The following DNAH17 variants were observed in gnomAD, a reference collection of about 807,000 sequenced individuals.
DNAH17 encodes dynein axonemal heavy chain 17, also known as axonemal beta dynein heavy chain 17.
DNAH17 carries 376 observed loss-of-function variants against 485.6 expected under a neutral mutation model. That is an observed-to-expected ratio of 0.77 (90% CI 0.71 to 0.84). DNAH17 has a LOEUF of 0.84. DNAH17 is among the 40% of genes least tolerant of loss of function. The pLI, the probability that DNAH17 is intolerant of heterozygous loss-of-function variation, is 0.00. For synonymous variants in DNAH17, 3,031 were observed against 2,405.9 expected, an observed-to-expected ratio of 1.26 and a Z score of -7.60; for missense variants, 6,370 against 5,839.3, an observed-to-expected ratio of 1.09 and a Z score of -2.96.
chr17:78,564,374 G>A (rs1421121265), intron 11 of DNAH17, among the ~76,000 whole-genome samples: 1 of 152,068 alleles, frequency 6.6e-6, no homozygotes. Context: ...TAATTTTTCA[G>A]ATTTTTCCAC....
chr17:78,465,436 G>T (rs987987680), intron 56 of DNAH17, among the ~76,000 whole-genome samples: 4 of 147,560 alleles, frequency 2.7e-5, no homozygotes, highest in Non-Finnish European at 6.0e-5. Context: ...GCCCAGTCTG[G>T]AAAGTGAGGA....
At chr17:78,572,954 C>G in intron 2 of DNAH17, 60 bp from the exon 3 acceptor site, 1 of 1,498,536 alleles carries the variant, frequency 6.7e-7, no homozygotes, top group Non-Finnish European at 9.1e-7. Context: ...GGCAACCGCA[C>G]AGAGCCAGGT....
chr17:78,524,728 G>C (rs191644581), intron 25 of DNAH17, among the ~76,000 whole-genome samples: 49 of 152,124 alleles, frequency 3.2e-4, no homozygotes, highest in Non-Finnish European at 6.0e-4. Context: ...ATGTGAGAGA[G>C]AATGAGAGGA....
Position 78,468,681 on chromosome 17 carries a change from C to A in DNAH17, c.8714G>T (p.Gly2905Val). 6.2e-7 allele frequency: 1 copy of A among 1,614,048 alleles called. No homozygotes were observed. Among genetic ancestry groups the A allele is most frequent in the Non-Finnish European group, 8.5e-7 (1 of 1,179,898 alleles). ...SSMRPQVKSLGMNDTRETCWK... is the reference protein window; with the variant it reads ...SSMRPQVKSLVMNDTRETCWK... ...ACATGTTTCCCGAGTGTCATTCATG[C>A]CAAGGGACTTGACTTGGGGTCGCAT... is the stretch of plus-strand genomic sequence containing the variant. The change falls in exon 55 of 81, where the codon GGC (glycine) becomes GTC (valine). Residue 2905 changes from glycine (G) to valine (V), a missense_variant. Physicochemically the swap from Gly to Val is moderately radical, Grantham distance 109. Transcript: ENST00000389840.
At chr17:78,558,518 A>T (rs2092079265) in intron 13 of DNAH17, among the ~76,000 whole-genome samples, 1 of 151,130 alleles carries the variant, frequency 6.6e-6, no homozygotes, top group Admixed American at 6.6e-5. Flanking sequence ...GGTGGATGAC[A>T]TCACCCTCAT....
intron 54 of DNAH17, 107 bp from the exon 55 acceptor site, chr17:78,468,990 G>A: frequency 3.7e-6 from 5 of 1,368,944 alleles, no homozygotes; most frequent in East Asian, 2.5e-5. Context: ...TTGAGACGGA[G>A]TCTCGCTCTG....
intron 55 of DNAH17, among the ~76,000 whole-genome samples, chr17:78,467,954 G>A (rs1278694368): frequency 1.3e-5 from 2 of 150,516 alleles, no homozygotes; most frequent in East Asian, 1.9e-4. Flanking sequence ...GGAGGCAGAG[G>A]TTGCAGTGAG....
chr17:78,437,833 C>T lies in DNAH17; in HGVS notation c.11841G>A (p.Leu3947=), dbSNP rs1049720351. The T allele has an allele frequency of 9.3e-6, 15 of 1,611,420 alleles. No individual in the cohort carries two copies. The highest frequency in any genetic ancestry group is 1.3e-5 in the Non-Finnish European group (15 of 1,179,166). The change falls in exon 74 of 81, where the codon CTG becomes CTA. Residue 3947 remains leucine, a synonymous_variant. Coordinates refer to ENST00000389840, the MANE Select transcript of DNAH17 (RefSeq NM_173628.4). ...TGCTGTAGTGCTCCAGCTTCTTGTC[C>T]AGTGTTCCCAGCCACCGGGCCACCA... The part of the protein sequence containing the change: ...IHLVARWLGT[L]DKKLEHYSTG...
chr17:78,475,250 G>A, intron 54 of DNAH17, 28 bp downstream of exon 54: 1 of 1,609,176 alleles, frequency 6.2e-7, no homozygotes. Context: ...TACCCTGAAA[G>A]GCAGCCTATT....
Position 78,484,746 on chromosome 17 carries a change from C to A in DNAH17, c.7649+122G>T, listed in dbSNP as rs868415483. 4.1e-5 allele frequency: 12 copies of A among 295,232 alleles called. 1 individual carries two copies. In the East Asian group the frequency reaches 6.5e-4, roughly 16 times the overall value. The allele number at this position is 295,232 out of a possible 1,614,324, so 18.3% of individuals were successfully genotyped here. A position where few individuals can be genotyped will look rare whatever the true frequency, so the allele number is the denominator to read the frequency against. ...CCCTACCCACGTTGCAGCACCCCCC[C>A]CACCGCCCCACACCAGTCCTGCCCT... On this transcript the variant is annotated intron_variant, in intron 48 of 80. Coordinates refer to ENST00000389840, the MANE Select transcript of DNAH17 (RefSeq NM_173628.4).
Position 78,468,599 on chromosome 17 carries a change from C to A in DNAH17, c.8778+18G>T. On this transcript the variant is annotated intron_variant, in intron 55 of 80. Coordinates refer to ENST00000389840, the MANE Select transcript of DNAH17 (RefSeq NM_173628.4). ...CCAAGCTGGGCTCTTGAGGCCCTGC[C>A]GAAGACGGGAGCCCCACCTTGAGCT... is the stretch of plus-strand genomic sequence containing the variant. The A allele has an allele frequency of 6.2e-7, 1 of 1,606,024 alleles. No homozygotes were observed. Among genetic ancestry groups the A allele is most frequent in the Non-Finnish European group, 8.5e-7 (1 of 1,175,280 alleles).
At chr17:78,510,895 G>A (rs1393737732) in intron 26 of DNAH17, among the ~76,000 whole-genome samples, 1 of 152,228 alleles carries the variant, frequency 6.6e-6, no homozygotes. Flanking sequence ...GTGTCCTCGT[G>A]ACAGGAAGGA....
rs1598591216 is a variant in DNAH17, at chr17:78,498,827, T to C, written c.5745+181A>G. The stretch of plus-strand genomic sequence containing the variant: ...ACCTGTAATCTGATTCTGTTTTCAA[T>C]GTGTTTGCCTAACCAGGCTTTGGGA... On this transcript the variant is annotated intron_variant, in intron 37 of 80. Transcript: ENST00000389840. 6 of 489,630 alleles carry C rather than the reference T, an allele frequency of 1.2e-5. No individual in the cohort carries two copies. The East Asian group carries it at 2.0e-4, about 17-fold the overall frequency. 30.3% of individuals were successfully genotyped at this position (489,630 alleles called of 1,614,324 possible). A position where few individuals can be genotyped will look rare whatever the true frequency, so the allele number is the denominator to read the frequency against.
intron 71 of DNAH17, 73 bp downstream of exon 71, chr17:78,444,531 C>A: frequency 7.0e-7 from 1 of 1,424,626 alleles, no homozygotes; most frequent in Non-Finnish European, 9.3e-7. Context: ...GAGAGTCTAG[C>A]ACAGCCGCTC....
chr17:78,482,989 C>A (rs941882425), intron 48 of DNAH17, among the ~76,000 whole-genome samples: 2 of 152,266 alleles, frequency 1.3e-5, no homozygotes, highest in South Asian at 4.1e-4. Flanking sequence ...AGGGGCCTCG[C>A]GAGTTGCAGG....
chr17:78,468,057 T>G (rs1192390827), intron 55 of DNAH17, among the ~76,000 whole-genome samples: 1 of 121,076 alleles, frequency 8.3e-6, no homozygotes, highest in Non-Finnish European at 1.7e-5. Flanking sequence ...AGTATCAAGG[T>G]GCATTTATCT....
chr17:78,565,282 T>C (rs575359636), intron 11 of DNAH17, among the ~76,000 whole-genome samples: 1 of 152,340 alleles, frequency 6.6e-6, no homozygotes, highest in East Asian at 1.9e-4. Context: ...AACTGAATAA[T>C]TTTTTCAACC....
chr17:78,449,841 T>G (rs960234767), intron 68 of DNAH17: 1 of 375,598 alleles, frequency 2.7e-6, no homozygotes. Context: ...ACCTGGCTAA[T>G]TTTTTTTTAT....
intron 42 of DNAH17, 126 bp downstream of exon 42, chr17:78,492,507 C>T: frequency 7.4e-7 from 1 of 1,347,170 alleles, no homozygotes; most frequent in Non-Finnish European, 1.0e-6. Context: ...CCATTGCAGG[C>T]CACGTGCCTG....
Sources: gnomAD v4.1 joint callset for allele counts (sites outside exome capture counted in the v4.1 genomes callset) on GRCh38, gnomAD v4.1.1 for gene constraint, MANE v1.5 for transcripts, NCBI Gene and HGNC (gene_info 2026-07-23, HGNC 2026-07-21) for gene names.